ARSB: variants seen among roughly 807,000 people sequenced by gnomAD.
The protein encoded by ARSB is N-acetylgalactosamine-4-sulfatase.
In ARSB, 41 loss-of-function variants were observed where a neutral mutation model predicts 50.9. The observed-to-expected ratio is 0.81, with a 90% CI of 0.63 to 1.04. The LOEUF (loss-of-function observed/expected upper bound fraction) is 1.04. Ranked by LOEUF, ARSB falls within the 50% of genes least tolerant of loss-of-function variation. ARSB has a pLI of 0.00. For missense variants in ARSB, 672 were observed against 693.3 expected (o/e 0.97, Z 0.35); for synonymous variants, 269 against 284.8 (o/e 0.94, Z 0.56).
chr5:78,871,959 C>G (rs1747208483), intron 5 of ARSB, among the ~76,000 whole-genome samples: 1 of 151,556 alleles, frequency 6.6e-6, no homozygotes, highest in Admixed American at 6.6e-5. Context: ...TGAACTCAAA[C>G]AAATTACAAG....
intron 6 of ARSB, among the ~76,000 whole-genome samples, chr5:78,820,396 A>G (rs917800625): frequency 6.6e-6 from 1 of 152,138 alleles, no homozygotes; most frequent in Non-Finnish European, 1.5e-5. Flanking sequence ...AAAAGTCTCT[A>G]CTAAAAATAC....
chr5:78,799,176 GA>G (rs1452179631), intron 6 of ARSB, among the ~76,000 whole-genome samples: 1 of 152,214 alleles, frequency 6.6e-6, no homozygotes, highest in Non-Finnish European at 1.5e-5. Context: ...AATGAAATAT[GA>G]AGGAGGTGCC....
intron 4 of ARSB, among the ~76,000 whole-genome samples, chr5:78,939,801 A>C (rs1394659326): frequency 1.3e-5 from 2 of 152,172 alleles, no homozygotes; most frequent in African/African-American, 4.8e-5. Context: ...ATACCCAGTA[A>C]TGGGATGGCT....
chr5:78,841,168 C>CTAATAATAA lies in ARSB; in HGVS notation c.1143-1751_1143-1743dup, dbSNP rs1554074343. 5.2e-4 allele frequency among the ~76,000 whole-genome samples: 68 copies of CTAATAATAA among 132,012 alleles called. 1 individual carries two copies. The highest frequency in any genetic ancestry group is 1.3e-3 in the South Asian group (5 of 3,768). The allele number at this position is 132,012 out of a possible 152,430, so 86.6% of individuals were successfully genotyped here. Reference sequence around the variant, plus strand: ...ACTACTACTACTACTACTACTACTACTAATAATAATAATAATTTGAGCATG... The same window carrying CTAATAATAA: ...ACTACTACTACTACTACTACTACTACTAATAATAATAATAATAATAATAATTTGAGCATG... On this transcript the variant is annotated intron_variant, in intron 5 of 7. Transcript: ENST00000264914.
At chr5:78,917,044 G>A (rs1749582485) in intron 4 of ARSB, among the ~76,000 whole-genome samples, 1 of 152,180 alleles carries the variant, frequency 6.6e-6, no homozygotes, top group African/African-American at 2.4e-5. Context: ...CTGTGATGGG[G>A]CAGACCATGA....
chr5:78,800,451 C>T (rs1743345578), intron 6 of ARSB, among the ~76,000 whole-genome samples: 1 of 152,072 alleles, frequency 6.6e-6, no homozygotes, highest in African/African-American at 2.4e-5. Flanking sequence ...CTGGAATTCC[C>T]AGAAAAAGCA....
rs781043229 is a variant in ARSB at position 78,955,384 on chromosome 5, A to G, written c.809T>C (p.Val270Ala). The G allele has an allele frequency of 1.5e-5, 25 of 1,614,080 alleles. No individual in the cohort carries two copies. Among genetic ancestry groups the G allele is most frequent in the Admixed American group, 5.0e-5 (3 of 60,006 alleles). ...TCCTACTGCTTCATCCATAAGGGAC[A>G]CCATTCCTGCATAGTGATGCCTGTT... ...DKNRHHYAGM[V>A]SLMDEAVGNV... Residue 270 changes from valine to alanine, a missense_variant, in exon 4 of 8, where the codon GTG (valine) becomes GCG (alanine). Val to Ala is a moderately conservative substitution (Grantham distance 64, BLOSUM62 0). Coordinates refer to ENST00000264914, the MANE Select transcript of ARSB (RefSeq NM_000046.5).
At chr5:78,943,116 T>C (rs1751021424) in intron 4 of ARSB, among the ~76,000 whole-genome samples, 1 of 152,240 alleles carries the variant, frequency 6.6e-6, no homozygotes, top group African/African-American at 2.4e-5. Context: ...TGCCTTTTTT[T>C]GTTTTTCATT....
chr5:78,936,451 A>T (rs1456273341), intron 4 of ARSB, among the ~76,000 whole-genome samples: 1 of 148,032 alleles, frequency 6.8e-6, no homozygotes, highest in Admixed American at 6.8e-5. Context: ...CTAAGATCAG[A>T]TGATCTTGTA....
chr5:78,971,949 T>G (rs969377010), intron 1 of ARSB, among the ~76,000 whole-genome samples: 1 of 152,258 alleles, frequency 6.6e-6, no homozygotes, highest in African/African-American at 2.4e-5. Flanking sequence ...GAGATTGTTA[T>G]GCCTCTCCTA....
chr5:78,977,458 T>C lies in ARSB; in HGVS notation c.312+7479A>G, dbSNP rs564198677. ...CGTGAGCCACCACGCCTGGCCTGTT[T>C]GTATTTATTTCACTTCCCTCTTGGT... On this transcript the variant is annotated intron_variant, in intron 1 of 7. Coordinates refer to ENST00000264914, the MANE Select transcript of ARSB (RefSeq NM_000046.5). Among the ~76,000 whole-genome samples, 5 of 152,278 alleles carry C rather than the reference T, an allele frequency of 3.3e-5. No homozygotes were observed. The East Asian group carries it at 9.6e-4, about 29-fold the overall frequency.
chr5:78,793,406 G>C (rs1486800218), intron 6 of ARSB, among the ~76,000 whole-genome samples: 1 of 152,190 alleles, frequency 6.6e-6, no homozygotes, highest in Non-Finnish European at 1.5e-5. Context: ...AGTGGGGACA[G>C]GGAGGAGCAG....
Position 78,968,871 on chromosome 5 carries a change from C to T in ARSB, c.499+135G>A, listed in dbSNP as rs1024402255. The T allele has an allele frequency of 7.1e-6, 7 of 989,296 alleles. No homozygotes were observed. In the African/African-American group the frequency reaches 1.1e-4, roughly 16 times the overall value. The allele number at this position is 989,296 out of a possible 1,614,324, so 61.3% of individuals were successfully genotyped here. On this transcript the variant is annotated intron_variant, in intron 2 of 7. Transcript: ENST00000264914. ...TGTTTACAGAGGTAACATTAGAAAG[C>T]AGCCCCATTACAGTGCCGACTGATT...
intron 4 of ARSB, among the ~76,000 whole-genome samples, chr5:78,928,801 T>C (rs1750182223): frequency 6.6e-6 from 1 of 152,254 alleles, no homozygotes; most frequent in South Asian, 2.1e-4. Flanking sequence ...TTTTAAATTA[T>C]TAACCAGATA....
intron 6 of ARSB, among the ~76,000 whole-genome samples, chr5:78,805,985 C>A (rs1367093549): frequency 6.6e-6 from 1 of 152,228 alleles, no homozygotes; most frequent in East Asian, 1.9e-4. Flanking sequence ...AATTGCTTAA[C>A]TTTCTAATAT....
At chr5:78,945,467 C>G (rs1045533484) in intron 4 of ARSB, among the ~76,000 whole-genome samples, 8 of 152,170 alleles carry the variant, frequency 5.3e-5, no homozygotes, top group African/African-American at 1.9e-4. Flanking sequence ...CTCCATCCAC[C>G]TTCCCTCTGC....
intron 1 of ARSB, among the ~76,000 whole-genome samples, chr5:78,980,754 G>GT (rs2112567123): frequency 6.7e-6 from 1 of 149,818 alleles, no homozygotes; most frequent in African/African-American, 2.4e-5. Flanking sequence ...GTGTGTGTGT[G>GT]TTTTGGTAGA....
chr5:78,849,720 A>C (rs1745656764), intron 5 of ARSB, among the ~76,000 whole-genome samples: 1 of 145,654 alleles, frequency 6.9e-6, no homozygotes, highest in African/African-American at 2.5e-5. Context: ...ATTTGTTTGT[A>C]TCCTCTTTTA....
chr5:78,816,071 GA>G, intron 6 of ARSB: 1 of 1,614,128 alleles, frequency 6.2e-7, no homozygotes, highest in Admixed American at 1.7e-5. Context: ...ATCTTCAGTA[GA>G]AAGTTGGTGG....
Sources: gnomAD v4.1 joint callset for allele counts (sites outside exome capture counted in the v4.1 genomes callset) on GRCh38, gnomAD v4.1.1 for gene constraint, MANE v1.5 for transcripts, NCBI Gene and HGNC (gene_info 2026-07-23, HGNC 2026-07-21) for gene names.